GTF2A1L: variants seen among roughly 807,000 people sequenced by gnomAD.
The protein encoded by GTF2A1L is general transcription factor IIA subunit 1 like, also known as TFIIA-alpha and beta-like factor.
In GTF2A1L, 48 loss-of-function variants were observed where a neutral mutation model predicts 49.7. The observed-to-expected ratio is 0.97, with a 90% confidence interval of 0.77 to 1.23. The LOEUF (loss-of-function observed/expected upper bound fraction) is 1.23. GTF2A1L is among the 50% of genes most tolerant of loss of function. The probability of loss-of-function intolerance (pLI) is 0.00; values close to 1 mark genes in which losing one functional copy is unlikely to be tolerated. For synonymous variants in GTF2A1L, 246 were observed against 193.5 expected (o/e 1.27, Z -2.25); for missense variants, 736 against 564.8 (o/e 1.30, Z -3.07).
intron 3 of GTF2A1L, among the ~76,000 whole-genome samples, chr2:48,631,037 A>G (rs1195007469): frequency 6.6e-6 from 1 of 151,852 alleles, no homozygotes; most frequent in Non-Finnish European, 1.5e-5. Flanking sequence ...TTTGTTAAGG[A>G]TTTTTGCTCT....
chr2:48,679,514 A>G lies in GTF2A1L; in HGVS notation c.*72A>G. ...TATTGCATATTGTGAATTCATTTTT[A>G]TTTTGAATATAGTCCAGCACAGAGC... On this transcript the variant is annotated 3_prime_UTR_variant, in exon 9 of 9. Coordinates refer to ENST00000403751, the MANE Select transcript of GTF2A1L (RefSeq NM_006872.5). The G allele has an allele frequency of 6.3e-7, 1 of 1,587,648 alleles. No homozygotes were observed. Among genetic ancestry groups the G allele is most frequent in the Non-Finnish European group, 8.5e-7 (1 of 1,170,826 alleles).
chr2:48,659,493 T>G (rs1289957734), intron 6 of GTF2A1L, among the ~76,000 whole-genome samples: 1 of 152,166 alleles, frequency 6.6e-6, no homozygotes, highest in Non-Finnish European at 1.5e-5. Flanking sequence ...ATAGATTTTT[T>G]TCTTTTTCTG....
intron 3 of GTF2A1L, among the ~76,000 whole-genome samples, chr2:48,633,689 AG>A (rs1447766743): frequency 6.6e-6 from 1 of 152,102 alleles, no homozygotes. Flanking sequence ...TTTCTTTGTT[AG>A]TTTTCTGCCT....
intron 3 of GTF2A1L, among the ~76,000 whole-genome samples, chr2:48,627,834 C>T (rs1676370257): frequency 7.0e-6 from 1 of 143,436 alleles, no homozygotes; most frequent in Non-Finnish European, 1.6e-5. Flanking sequence ...AGGTACTGAG[C>T]ATAGTATCCA....
rs764391333 is a variant in GTF2A1L, at chr2:48,669,775, T to C, written c.1032T>C (p.Gly344=). 3.7e-6 allele frequency: 6 copies of C among 1,613,832 alleles called. No homozygotes were observed. In the African/African-American group the frequency reaches 6.7e-5, roughly 18 times the overall value. ...LSIRVTDDDI[G]EIIQVDGSGD... is the part of the protein sequence containing the mutation. ...TTCGGGTTACTGATGATGATATTGG[T>C]GAAATAATTCAAGTAGATGGAAGCG... is the stretch of plus-strand genomic sequence containing the variant. Residue 344 remains glycine, a synonymous_variant, in exon 7 of 9, where the codon GGT becomes GGC. Transcript: ENST00000403751.
chr2:48,646,902 T>C lies in GTF2A1L; in HGVS notation c.838T>C (p.Ser280Pro). 1 of 1,614,194 alleles carries C rather than the reference T, an allele frequency of 6.2e-7. No individual in the cohort carries two copies. Reference protein sequence around the residue: ...MAQNLHDESLSTSPHGALHQH... With the variant: ...MAQNLHDESLPTSPHGALHQH... ...TCAAAATCTGCATGATGAGTCCCTC[T>C]CCACAAGCCCTCATGGGGCTCTCCA... is the stretch of plus-strand genomic sequence containing the variant. The change falls in exon 6 of 9, where the codon TCC (serine) becomes CCC (proline). Residue 280 changes from serine to proline, a missense_variant. Transcript: ENST00000403751.
intron 6 of GTF2A1L, among the ~76,000 whole-genome samples, chr2:48,649,756 A>C (rs1677742214): frequency 6.6e-6 from 1 of 152,088 alleles, no homozygotes; most frequent in Admixed American, 6.6e-5. Context: ...ACTGCCCTTC[A>C]CCTATAATAA....
At chr2:48,624,053 A>ATCATGAAGTCATGTTGGATTTT (rs1401223939) in intron 3 of GTF2A1L, among the ~76,000 whole-genome samples, 3 of 145,904 alleles carry the variant, frequency 2.1e-5, no homozygotes, top group African/African-American at 2.4e-5. Flanking sequence ...CCCTGAATCT[A>ATCATGAAGTCATGTTGGATTTT]AACCCAGAAA....
chr2:48,659,574 C>T (rs1473286940), intron 6 of GTF2A1L, among the ~76,000 whole-genome samples: 1 of 151,968 alleles, frequency 6.6e-6, no homozygotes, highest in Non-Finnish European at 1.5e-5. Context: ...ATATTCACAT[C>T]TTAACCTTAT....
In GTF2A1L at chr2:48,623,872, G is replaced by A. The variant is rs75369096; in HGVS notation, c.247+2582G>A. ...GGGAGTTAAACATTGGGTACATACA[G>A]ACAGAAAGGTGCGAACACTGGGTAC... On this transcript the variant is annotated intron_variant, in intron 3 of 8. Coordinates refer to ENST00000403751, the MANE Select transcript of GTF2A1L (RefSeq NM_006872.5). 7.0e-3 allele frequency among the ~76,000 whole-genome samples: 1,072 copies of A among 152,300 alleles called. 12 individuals are homozygous for A. The highest frequency in any genetic ancestry group is 0.025 in the African/African-American group (1,025 of 41,574).
chr2:48,621,716 A>G (rs2104060485), intron 3 of GTF2A1L, among the ~76,000 whole-genome samples: 1 of 152,280 alleles, frequency 6.6e-6, no homozygotes, highest in Non-Finnish European at 1.5e-5. Context: ...AGCAAAATGG[A>G]GAGTTCAGAA....
At chr2:48,642,341 T>C in intron 3 of GTF2A1L, 61 bp from the exon 4 acceptor site, 1 of 1,424,472 alleles carries the variant, frequency 7.0e-7, no homozygotes. Context: ...AAGCTATATT[T>C]AGTGATTTTA....
intron 8 of GTF2A1L, among the ~76,000 whole-genome samples, chr2:48,676,082 C>A (rs755812962): frequency 1.6e-4 from 25 of 151,886 alleles, no homozygotes; most frequent in Non-Finnish European, 8.9e-5. Flanking sequence ...CATCGAATTT[C>A]TTTATTCAAA....
At chr2:48,636,271 T>C (rs1162632829) in intron 3 of GTF2A1L, among the ~76,000 whole-genome samples, 1 of 152,254 alleles carries the variant, frequency 6.6e-6, no homozygotes, top group African/African-American at 2.4e-5. Context: ...CCTTGTACTT[T>C]TGCATGCTGC....
At chr2:48,629,744 A>C (rs1026101465) in intron 3 of GTF2A1L, among the ~76,000 whole-genome samples, 1 of 144,286 alleles carries the variant, frequency 6.9e-6, no homozygotes. Context: ...AAAAGTTTTA[A>C]AATGTATTTT....
At chr2:48,648,373 C>T (rs957303291) in intron 6 of GTF2A1L, among the ~76,000 whole-genome samples, 7 of 151,962 alleles carry the variant, frequency 4.6e-5, no homozygotes, top group Non-Finnish European at 1.0e-4. Flanking sequence ...GCACTTTTTA[C>T]CTGGATTCTG....
At chr2:48,636,934 C>G (rs1051448888) in intron 3 of GTF2A1L, among the ~76,000 whole-genome samples, 2 of 152,002 alleles carry the variant, frequency 1.3e-5, no homozygotes, top group African/African-American at 2.4e-5. Context: ...TACTATCAGT[C>G]ATGATGGAAG....
chr2:48,622,026 A>T (rs1055880568), intron 3 of GTF2A1L, among the ~76,000 whole-genome samples: 2 of 152,156 alleles, frequency 1.3e-5, no homozygotes, highest in Non-Finnish European at 2.9e-5. Context: ...AACAAGTTTT[A>T]TTGGGTTTAG....
chr2:48,677,138 G>A (rs1333469621), intron 8 of GTF2A1L, among the ~76,000 whole-genome samples: 2 of 151,726 alleles, frequency 1.3e-5, no homozygotes, highest in Admixed American at 6.6e-5. Context: ...GTCTGGTAAG[G>A]TTAGTAATTC....
Sources: gnomAD v4.1 joint callset for allele counts (sites outside exome capture counted in the v4.1 genomes callset) on GRCh38, gnomAD v4.1.1 for gene constraint, MANE v1.5 for transcripts, NCBI Gene and HGNC (gene_info 2026-07-23, HGNC 2026-07-21) for gene names.